Variants in MMRN1 observed in about 807,000 individuals in gnomAD.
MMRN1 encodes multimerin-1.
In MMRN1, 94 loss-of-function variants were observed where a neutral mutation model predicts 100.7. That is an observed-to-expected ratio of 0.93 (90% CI 0.79 to 1.11). The LOEUF is 1.11. MMRN1 is among the 50% of genes least tolerant of loss of function. The pLI is 0.00. For missense variants in MMRN1, 1,606 were observed against 1,439.1 expected, an observed-to-expected ratio of 1.12 and a Z score of -1.88; for synonymous variants, 575 against 505.0, an observed-to-expected ratio of 1.14 and a Z score of -1.86.
chr4:89,894,327 G>A (rs943521219), upstream of MMRN1, among the ~76,000 whole-genome samples: 13 of 152,082 alleles, frequency 8.5e-5, no homozygotes, highest in Admixed American at 2.6e-4. Context: ...CAGCTGAAGT[G>A]TATTTATAAA....
chr4:89,908,426 A>C (rs2110594239), intron 1 of MMRN1, among the ~76,000 whole-genome samples: 1 of 151,606 alleles, frequency 6.6e-6, no homozygotes, highest in South Asian at 2.1e-4. Context: ...TATCAAGCTA[A>C]GATTTGTTGT....
rs540515039 is a variant in MMRN1, at chr4:89,936,455, C to T, written c.2775C>T (p.His925=). 5.0e-6 allele frequency: 8 copies of T among 1,612,372 alleles called. No individual in the cohort carries two copies. In the South Asian group the frequency reaches 5.5e-5, roughly 11 times the overall value. The change falls in exon 6 of 8, where the codon CAC becomes CAT. Residue 925 remains histidine (H), a synonymous_variant. Coordinates refer to ENST00000264790, the MANE Select transcript of MMRN1 (RefSeq NM_007351.3). The part of the protein sequence containing the change: ...INFFSLNKTL[H]EVLTMCHNAS... ...TCTTTTCGCTTAACAAAACTCTCCA[C>T]GAAGTTTTAACAATGTGTCACAATG... is the stretch of plus-strand genomic sequence containing the variant.
chr4:89,953,026 C>T lies in MMRN1; in HGVS notation c.3295C>T (p.Pro1099Ser), dbSNP rs140432017. ...DFSKGSYRYA[P>S]MVAFFASHTY... Reference sequence around the variant, plus strand: ...TTCCAAAGGATCTTACAGATATGCACCCATGGTGGCATTTTTTGCATCTCA... The same window carrying T: ...TTCCAAAGGATCTTACAGATATGCATCCATGGTGGCATTTTTTGCATCTCA... Residue 1099 changes from proline to serine, a missense_variant, in exon 8 of 8, where the codon CCC becomes TCC. Transcript: ENST00000264790. The T allele has an allele frequency of 2.4e-4, 385 of 1,611,016 alleles. No homozygotes were observed. The highest frequency in any genetic ancestry group is 1.3e-3 in the Middle Eastern group (8 of 6,040).
chr4:89,896,530 T>C (rs1415300804), intron 1 of MMRN1, among the ~76,000 whole-genome samples: 2 of 152,176 alleles, frequency 1.3e-5, no homozygotes, highest in Non-Finnish European at 2.9e-5. Context: ...TTTGGAATAC[T>C]AGAAGTTTAG....
At chr4:89,900,361 CT>C (rs1182786300) in intron 1 of MMRN1, among the ~76,000 whole-genome samples, 2 of 152,032 alleles carry the variant, frequency 1.3e-5, no homozygotes, top group South Asian at 2.1e-4. Flanking sequence ...TCAAAGGAAA[CT>C]TTTTTTGCTC....
chr4:89,912,111 A>T, intron 3 of MMRN1, 61 bp downstream of exon 3: 2 of 1,194,854 alleles, frequency 1.7e-6, no homozygotes, highest in Non-Finnish European at 2.4e-6. Flanking sequence ...TATTGAAGAA[A>T]AGAATAGCAT....
At chr4:89,910,586 C>G (rs1721717949) in intron 2 of MMRN1, among the ~76,000 whole-genome samples, 1 of 151,426 alleles carries the variant, frequency 6.6e-6, no homozygotes, top group South Asian at 2.1e-4. Flanking sequence ...TTGACCCCAA[C>G]AATAGTTCAA....
At chr4:89,901,565 A>G (rs1291701820) in intron 1 of MMRN1, among the ~76,000 whole-genome samples, 3 of 152,072 alleles carry the variant, frequency 2.0e-5, no homozygotes, top group African/African-American at 4.8e-5. Context: ...AGTTATTATT[A>G]GGCCTAATAA....
chr4:89,908,576 A>G (rs1721643236), intron 1 of MMRN1, among the ~76,000 whole-genome samples: 1 of 151,372 alleles, frequency 6.6e-6, no homozygotes, highest in Admixed American at 6.6e-5. Context: ...TAAATCTAAC[A>G]CTTCTTTTGC....
chr4:89,897,033 T>A (rs1721227414), intron 1 of MMRN1, among the ~76,000 whole-genome samples: 1 of 152,190 alleles, frequency 6.6e-6, no homozygotes, highest in Non-Finnish European at 1.5e-5. Context: ...CAGGATTTTA[T>A]CTATTAAATA....
At position 89,895,501 on chromosome 4, in the gene MMRN1, G is replaced by C; in HGVS notation, c.530G>C (p.Arg177Pro). The change falls in exon 1 of 8, where the codon CGA (arginine) becomes CCA (proline). Residue 177 changes from arginine (R) to proline (P), a missense_variant. Physicochemically the swap from Arg to Pro is moderately radical, Grantham distance 103. Coordinates refer to ENST00000264790, the MANE Select transcript of MMRN1 (RefSeq NM_007351.3). Reference protein sequence around the residue: ...GVGGTGGVGNRAPRETYLSRG... With the variant: ...GVGGTGGVGNPAPRETYLSRG... ...GGAGGCACTGGAGGCGTGGGAAATCGAGCCCCACGGGAAACATACCTCAGC... is the reference window on the plus strand; with the variant it reads ...GGAGGCACTGGAGGCGTGGGAAATCCAGCCCCACGGGAAACATACCTCAGC... 1 of 1,613,766 alleles carries C rather than the reference G, an allele frequency of 6.2e-7. No homozygotes were observed. The highest frequency in any genetic ancestry group is 8.5e-7 in the Non-Finnish European group (1 of 1,179,882).
chr4:89,936,620 T>A lies in MMRN1; in HGVS notation c.2940T>A (p.Ser980=), dbSNP rs1233565869. Residue 980 remains serine (S), a synonymous_variant, in exon 6 of 8, where the codon TCT becomes TCA. Transcript: ENST00000264790. ...IIQIKTQAAL[S]NLTCCIDRSL... ...AAATAAAAACTCAAGCTGCCCTATC[T>A]AATTTAACTTGTTGTATAGATCGAT... is the stretch of plus-strand genomic sequence containing the variant. 1 of 1,612,956 alleles carries A rather than the reference T, an allele frequency of 6.2e-7. No homozygotes were observed. The highest frequency in any genetic ancestry group is 1.3e-5 in the African/African-American group (1 of 74,888).
In MMRN1 at chr4:89,928,849, T is replaced by C. The variant is rs550740853; in HGVS notation, c.1129+881T>C. The stretch of plus-strand genomic sequence containing the variant: ...TTAATCACAGTTGCCAAGTCCCTTT[T>C]GCCATGTAAGGTACATATTCATGGA... On this transcript the variant is annotated intron_variant, in intron 5 of 7. Coordinates refer to ENST00000264790, the MANE Select transcript of MMRN1 (RefSeq NM_007351.3). Among the ~76,000 whole-genome samples the C allele has an allele frequency of 1.1e-4, 17 of 152,298 alleles. No homozygotes were observed. The East Asian group carries it at 3.3e-3, about 29-fold the overall frequency.
intron 1 of MMRN1, among the ~76,000 whole-genome samples, chr4:89,899,210 C>CTT (rs113092285): frequency 6.9e-6 from 1 of 144,262 alleles, no homozygotes; most frequent in African/African-American, 2.5e-5. Context: ...AGTTTTTCTT[C>CTT]TTTTTTTTTT....
At chr4:89,929,462 A>C (rs193255150) in intron 5 of MMRN1, among the ~76,000 whole-genome samples, 1 of 152,258 alleles carries the variant, frequency 6.6e-6, no homozygotes, top group Non-Finnish European at 1.5e-5. Context: ...GAGCATGAGA[A>C]GGAAACATTT....
At chr4:89,909,966 G>A (rs749089386) in intron 2 of MMRN1, among the ~76,000 whole-genome samples, 2 of 151,354 alleles carry the variant, frequency 1.3e-5, no homozygotes, top group African/African-American at 2.4e-5. Context: ...CTGAGTAATT[G>A]ATAAATTATC....
intron 1 of MMRN1, among the ~76,000 whole-genome samples, chr4:89,903,729 C>T (rs1240043293): frequency 6.6e-6 from 1 of 151,684 alleles, no homozygotes; most frequent in Non-Finnish European, 1.5e-5. Context: ...TTTTGCCAGA[C>T]AAAGTCATGG....
intron 6 of MMRN1, among the ~76,000 whole-genome samples, chr4:89,949,060 C>A (rs1202405330): frequency 6.6e-6 from 1 of 152,054 alleles, no homozygotes; most frequent in Non-Finnish European, 1.5e-5. Context: ...AAGGCAAGAC[C>A]CAATTCCTAA....
chr4:89,903,345 T>C (rs905040516), intron 1 of MMRN1, among the ~76,000 whole-genome samples: 1 of 151,642 alleles, frequency 6.6e-6, no homozygotes, highest in Non-Finnish European at 1.5e-5. Flanking sequence ...TGTAGAGACA[T>C]TCTGAAAGTT....
Sources: gnomAD v4.1 joint callset for allele counts (sites outside exome capture counted in the v4.1 genomes callset) on GRCh38, gnomAD v4.1.1 for gene constraint, MANE v1.5 for transcripts, NCBI Gene and HGNC (gene_info 2026-07-23, HGNC 2026-07-21) for gene names.